Variants in SKAP1 observed in about 807,000 individuals in gnomAD.
SKAP1 encodes the protein src kinase associated phosphoprotein 1.
Under a neutral mutation model 58.5 loss-of-function variants are expected in SKAP1, and 44 were observed. That is an observed-to-expected ratio of 0.75 (90% CI 0.59 to 0.97). The LOEUF is 0.97. Ranked by LOEUF, SKAP1 falls within the 50% of genes least tolerant of loss-of-function variation. The pLI, the probability that SKAP1 is intolerant of heterozygous loss-of-function variation, is 0.00. For synonymous variants in SKAP1, 127 were observed against 149.7 expected, an observed-to-expected ratio of 0.85 and a Z score of 1.11; for missense variants, 390 against 435.2, an observed-to-expected ratio of 0.90 and a Z score of 0.92.
chr17:48,169,335 G>A (rs2064180163), intron 10 of SKAP1, among the ~76,000 whole-genome samples: 1 of 152,206 alleles, frequency 6.6e-6, no homozygotes, highest in Admixed American at 6.5e-5. Context: ...CACCCAAGCT[G>A]TCCACATGAA....
At chr17:48,158,405 A>G (rs1049844431) in intron 11 of SKAP1, among the ~76,000 whole-genome samples, 4 of 149,466 alleles carry the variant, frequency 2.7e-5, no homozygotes, top group African/African-American at 7.4e-5. Context: ...AGAAAAAAAA[A>G]AAAAGAAAAG....
intron 4 of SKAP1, among the ~76,000 whole-genome samples, chr17:48,256,204 T>C (rs1330752791): frequency 6.6e-6 from 1 of 151,568 alleles, no homozygotes; most frequent in Non-Finnish European, 1.5e-5. Flanking sequence ...TGTGAGGAGT[T>C]CACACATAGA....
rs181118588 is a variant in SKAP1, at chr17:48,304,071, G to A, written c.280+41834C>T. The stretch of plus-strand genomic sequence containing the variant: ...TGAAAGAGTTTTAAATTCACAATCA[G>A]CTATATTACTTGATTTTAAAAGAAG... On this transcript the variant is annotated intron_variant, in intron 4 of 12. Transcript: ENST00000336915. 4.7e-4 allele frequency among the ~76,000 whole-genome samples: 72 copies of A among 152,210 alleles called. 1 individual carries two copies. The highest frequency in any genetic ancestry group is 1.3e-3 in the Admixed American group (20 of 15,286).
At position 48,135,122 on chromosome 17, in the gene SKAP1, G is replaced by GT. The variant is rs546407981; in HGVS notation, c.*8-1307dup. Among the ~76,000 whole-genome samples the GT allele has an allele frequency of 4.6e-5, 7 of 152,328 alleles. No individual in the cohort carries two copies. The East Asian group carries it at 1.3e-3, about 29-fold the overall frequency. On this transcript the variant is annotated intron_variant, in intron 12 of 12. Transcript: ENST00000336915. ...TGAGTGACAGGCCTGAGCTGGTGTTGTATGGTTGTACAAGGGCATTGGAGA... is the reference window on the plus strand; with the variant it reads ...TGAGTGACAGGCCTGAGCTGGTGTTGTTATGGTTGTACAAGGGCATTGGAGA...
At chr17:48,278,096 C>A (rs2065722074) in intron 4 of SKAP1, among the ~76,000 whole-genome samples, 1 of 152,136 alleles carries the variant, frequency 6.6e-6, no homozygotes, top group Non-Finnish European at 1.5e-5. Flanking sequence ...CCTATTTATC[C>A]TTCCAGACAT....
chr17:48,309,224 T>C (rs1162115857), intron 4 of SKAP1, among the ~76,000 whole-genome samples: 1 of 152,168 alleles, frequency 6.6e-6, no homozygotes, highest in Non-Finnish European at 1.5e-5. Flanking sequence ...GTAGTGGTTC[T>C]AATAACTTGG....
intron 9 of SKAP1, among the ~76,000 whole-genome samples, chr17:48,174,417 ACC>A (rs2064260678): frequency 6.6e-6 from 1 of 152,004 alleles, no homozygotes; most frequent in Non-Finnish European, 1.5e-5. Context: ...TGAAAATTAC[ACC>A]CCTAGACACC....
chr17:48,170,560 A>G, intron 10 of SKAP1, 49 bp downstream of exon 10: 1 of 1,491,324 alleles, frequency 6.7e-7, no homozygotes, highest in Non-Finnish European at 9.4e-7. Flanking sequence ...CTCTAATCAG[A>G]AGCCCATAAT....
chr17:48,135,993 T>G (rs930984477), intron 12 of SKAP1, among the ~76,000 whole-genome samples: 1 of 152,154 alleles, frequency 6.6e-6, no homozygotes, highest in Non-Finnish European at 1.5e-5. Flanking sequence ...TATCCCAATA[T>G]CCATTCTTCC....
At chr17:48,422,831 T>C (rs1316974682) in intron 1 of SKAP1, among the ~76,000 whole-genome samples, 1 of 152,020 alleles carries the variant, frequency 6.6e-6, no homozygotes, top group East Asian at 1.9e-4. Context: ...AATGAGACAA[T>C]GAATGATGAG....
chr17:48,424,023 C>A (rs1232732861), intron 1 of SKAP1, among the ~76,000 whole-genome samples: 2 of 152,132 alleles, frequency 1.3e-5, no homozygotes, highest in Non-Finnish European at 2.9e-5. Context: ...TGTCTTATTC[C>A]ATTTGAGCTG....
chr17:48,170,539 A>G, intron 10 of SKAP1, 70 bp downstream of exon 10: 1 of 1,317,898 alleles, frequency 7.6e-7, no homozygotes, highest in East Asian at 2.3e-5. Flanking sequence ...AGTCTCAGAG[A>G]AAGGTGCTTT....
rs186145170 is a variant in SKAP1, at chr17:48,173,295, A to G, written c.827-2636T>C. Among the ~76,000 whole-genome samples, 4 of 152,284 alleles carry G rather than the reference A, an allele frequency of 2.6e-5. No individual in the cohort carries two copies. The East Asian group carries it at 7.7e-4, about 29-fold the overall frequency. ...GACTCAACAGTTCTTATAGCCATGT[A>G]TGATCTAGCAGCAGAGAATGTTCTA... is the stretch of plus-strand genomic sequence containing the variant. On this transcript the variant is annotated intron_variant, in intron 9 of 12. Transcript: ENST00000336915.
intron 4 of SKAP1, among the ~76,000 whole-genome samples, chr17:48,322,288 C>A (rs1467851105): frequency 6.6e-6 from 1 of 152,210 alleles, no homozygotes; most frequent in Non-Finnish European, 1.5e-5. Flanking sequence ...TATTTCTTAG[C>A]ACAGAGCTTG....
chr17:48,267,195 C>G (rs778516250), intron 4 of SKAP1, among the ~76,000 whole-genome samples: 2 of 152,080 alleles, frequency 1.3e-5, no homozygotes, highest in African/African-American at 4.8e-5. Flanking sequence ...CACTAGTAAG[C>G]CTTTTTTAGC....
At chr17:48,166,247 A>T (rs1462460674) in intron 10 of SKAP1, among the ~76,000 whole-genome samples, 1 of 152,238 alleles carries the variant, frequency 6.6e-6, no homozygotes, top group African/African-American at 2.4e-5. Context: ...AACTCCAAGC[A>T]ACCAAAATGT....
intron 3 of SKAP1, among the ~76,000 whole-genome samples, chr17:48,362,610 CA>C (rs1192594463): frequency 6.6e-6 from 1 of 152,216 alleles, no homozygotes; most frequent in Non-Finnish European, 1.5e-5. Context: ...GTAGTAACAG[CA>C]CATCACATTA....
chr17:48,154,415 T>C (rs1180831933), intron 11 of SKAP1, among the ~76,000 whole-genome samples: 2 of 152,210 alleles, frequency 1.3e-5, no homozygotes, highest in Non-Finnish European at 2.9e-5. Context: ...CCCTGGTGTG[T>C]CTGGGCCATG....
chr17:48,325,636 A>T (rs1238662849), intron 4 of SKAP1, among the ~76,000 whole-genome samples: 1 of 152,192 alleles, frequency 6.6e-6, no homozygotes, highest in African/African-American at 2.4e-5. Context: ...CTTTTAAAAA[A>T]TTTTAGATTT....
Sources: gnomAD v4.1 joint callset for allele counts (sites outside exome capture counted in the v4.1 genomes callset) on GRCh38, gnomAD v4.1.1 for gene constraint, MANE v1.5 for transcripts, NCBI Gene and HGNC (gene_info 2026-07-23, HGNC 2026-07-21) for gene names.